Variants in NOL4 observed in about 807,000 individuals in gnomAD.
The protein encoded by NOL4 is nucleolar protein 4.
Under a neutral mutation model 75.9 loss-of-function variants are expected in NOL4, and 17 were observed. The ratio of observed to expected loss-of-function variants is 0.22; its 90% CI spans 0.15 to 0.34. The LOEUF is 0.34. Among genes scored for constraint, NOL4 ranks in the 10% least tolerant of loss-of-function variants. The pLI, the probability that NOL4 is intolerant of heterozygous loss-of-function variation, is 1.00. For missense variants in NOL4, 614 were observed against 793.5 expected, an observed-to-expected ratio of 0.77 and a Z score of 2.72; for synonymous variants, 292 against 289.9, an observed-to-expected ratio of 1.01 and a Z score of -0.07.
chr18:33,980,472 G>A (rs1600134971), intron 6 of NOL4, among the ~76,000 whole-genome samples: 2 of 151,970 alleles, frequency 1.3e-5, no homozygotes, highest in Admixed American at 6.6e-5. Flanking sequence ...TGTTCTTTCC[G>A]GTTATTAAGA....
intron 6 of NOL4, among the ~76,000 whole-genome samples, chr18:33,996,177 GA>G (rs1346241397): frequency 6.6e-6 from 1 of 151,534 alleles, no homozygotes; most frequent in Admixed American, 6.6e-5. Context: ...AGTTAGATAA[GA>G]AGGAGATAGG....
Position 34,166,430 on chromosome 18 carries a change from G to T in NOL4, c.265-36410C>A, listed in dbSNP as rs564586480. Among the ~76,000 whole-genome samples the T allele has an allele frequency of 1.8e-3, 281 of 152,232 alleles. 4 individuals carry two copies. The highest frequency in any genetic ancestry group is 1.3e-3 in the Non-Finnish European group (85 of 67,972). On this transcript the variant is annotated intron_variant, in intron 1 of 10. Coordinates refer to ENST00000261592, the MANE Select transcript of NOL4 (RefSeq NM_003787.5). The stretch of plus-strand genomic sequence containing the variant: ...AGACTTTGTCTAGAAGAGGGAAAAG[G>T]AGAACTGAAAGGTATTTGTTTTTTA...
chr18:33,937,696 G>C (rs2068156528), intron 9 of NOL4, among the ~76,000 whole-genome samples: 1 of 152,036 alleles, frequency 6.6e-6, no homozygotes, highest in South Asian at 2.1e-4. Flanking sequence ...TACATGCTTT[G>C]GTAGGAAGTA....
At chr18:34,160,825 A>G (rs2031353698) in intron 1 of NOL4, among the ~76,000 whole-genome samples, 1 of 152,202 alleles carries the variant, frequency 6.6e-6, no homozygotes. Flanking sequence ...TTCTGGGAAC[A>G]ATCAAGATCC....
chr18:34,048,688 TCAGGGAAA>T, intron 5 of NOL4: 4 of 796,580 alleles, frequency 5.0e-6, no homozygotes, highest in Non-Finnish European at 6.1e-6. Flanking sequence ...CTTCAAAGAC[TCAGGGAAA>T]CATGCACTCA....
At position 34,215,139 on chromosome 18, in the gene NOL4, A is replaced by T. The variant is rs376341288; in HGVS notation, c.264+7851T>A. ...TTAAGTCTACAATGTAAAATGATTAATATGGTAACTTTTATGTTGTGTGTT... is the reference window on the plus strand; with the variant it reads ...TTAAGTCTACAATGTAAAATGATTATTATGGTAACTTTTATGTTGTGTGTT... On this transcript the variant is annotated intron_variant, in intron 1 of 10. Transcript: ENST00000261592. Among the ~76,000 whole-genome samples the T allele has an allele frequency of 7.9e-5, 12 of 152,314 alleles. 1 individual carries two copies. Among genetic ancestry groups the T allele is most frequent in the African/African-American group, 2.9e-4 (12 of 41,558 alleles).
At chr18:34,049,153 GC>G (rs2076523431) in intron 5 of NOL4, among the ~76,000 whole-genome samples, 1 of 149,192 alleles carries the variant, frequency 6.7e-6, no homozygotes, top group South Asian at 2.1e-4. Context: ...AACGTCTGGA[GC>G]CTTGAGGTTT....
Position 33,852,766 on chromosome 18 carries a change from A to C in NOL4, c.*76T>G. On this transcript the variant is annotated 3_prime_UTR_variant, in exon 11 of 11. Transcript: ENST00000261592. ...AAGACTGTGCAGTAAGACCAGAAGT[A>C]TCTCTGTTGGGAAATCAAAATGTCA... 8.0e-7 allele frequency: 1 copy of C among 1,253,246 alleles called. No individual in the cohort carries two copies. Among genetic ancestry groups the C allele is most frequent in the Non-Finnish European group, 1.1e-6 (1 of 883,692 alleles). The allele number at this position is 1,253,246 out of a possible 1,614,324, so 77.6% of individuals were successfully genotyped here. A position where few individuals can be genotyped will look rare whatever the true frequency, so the allele number is the denominator to read the frequency against.
rs369857853 is a variant in NOL4 at position 34,042,578 on chromosome 18, A to G, written c.773-22977T>C. Among the ~76,000 whole-genome samples the G allele has an allele frequency of 3.3e-5, 5 of 152,230 alleles. No homozygotes were observed. The South Asian group carries it at 6.2e-4, about 19-fold the overall frequency. On this transcript the variant is annotated intron_variant, in intron 5 of 10. Transcript: ENST00000261592. ...ACCAATCAAAGAAGGAAGAAAGGCA[A>G]GAAAAAGAAATGTGACCAGTAATTG...
chr18:34,138,321 G>A (rs932340389), intron 1 of NOL4, among the ~76,000 whole-genome samples: 9 of 152,142 alleles, frequency 5.9e-5, no homozygotes, highest in Non-Finnish European at 1.0e-4. Context: ...AGGATCACTT[G>A]AGCCCATAAG....
At chr18:34,068,631 C>T (rs1463920634) in intron 5 of NOL4, among the ~76,000 whole-genome samples, 4 of 152,056 alleles carry the variant, frequency 2.6e-5, no homozygotes, top group Admixed American at 6.6e-5. Flanking sequence ...ATCTGCTGAC[C>T]TCATGTCCAC....
rs114433862 is a variant in NOL4, at chr18:34,170,862, G to A, written c.265-40842C>T. The stretch of plus-strand genomic sequence containing the variant: ...GCTTATTACAATTTCCCCTATAATA[G>A]ACCAAGATGTTGAGCAGCCTAAATG... On this transcript the variant is annotated intron_variant, in intron 1 of 10. Transcript: ENST00000261592. 5.6e-3 allele frequency among the ~76,000 whole-genome samples: 853 copies of A among 152,172 alleles called. 3 individuals carry two copies. Among genetic ancestry groups the A allele is most frequent in the African/African-American group, 0.02 (816 of 41,532 alleles).
chr18:34,002,005 C>A (rs544954484), intron 6 of NOL4, among the ~76,000 whole-genome samples: 1 of 152,092 alleles, frequency 6.6e-6, no homozygotes, highest in Non-Finnish European at 1.5e-5. Flanking sequence ...CAGAAACCTA[C>A]CTTAGTGACT....
At chr18:34,083,748 CA>C (rs1209694659) in intron 5 of NOL4, among the ~76,000 whole-genome samples, 1 of 152,040 alleles carries the variant, frequency 6.6e-6, no homozygotes, top group African/African-American at 2.4e-5. Flanking sequence ...TTTAACATAC[CA>C]AAGCTACTAA....
At chr18:34,146,160 A>G (rs2081383588) in intron 1 of NOL4, among the ~76,000 whole-genome samples, 2 of 152,016 alleles carry the variant, frequency 1.3e-5, no homozygotes, top group Admixed American at 1.3e-4. Context: ...CTTAAAATGC[A>G]AGTAATTTTC....
chr18:33,956,424 T>C (rs2069652175), intron 8 of NOL4, among the ~76,000 whole-genome samples: 1 of 152,144 alleles, frequency 6.6e-6, no homozygotes, highest in African/African-American at 2.4e-5. Flanking sequence ...AAACCTCTCT[T>C]ATGTACACCA....
At chr18:34,053,958 T>C (rs1034407724) in intron 5 of NOL4, among the ~76,000 whole-genome samples, 8 of 151,956 alleles carry the variant, frequency 5.3e-5, no homozygotes, top group African/African-American at 1.9e-4. Flanking sequence ...TATGGTTTCA[T>C]TTTTTTATTT....
At chr18:33,986,012 T>C (rs748782168) in intron 6 of NOL4, among the ~76,000 whole-genome samples, 2 of 152,114 alleles carry the variant, frequency 1.3e-5, no homozygotes, top group Non-Finnish European at 2.9e-5. Flanking sequence ...CTTGGCTTTA[T>C]AGAATATGCC....
chr18:33,852,036 A>T lies in NOL4; in HGVS notation c.*806T>A, dbSNP rs1015562572. On this transcript the variant is annotated 3_prime_UTR_variant, in exon 11 of 11. Coordinates refer to ENST00000261592, the MANE Select transcript of NOL4 (RefSeq NM_003787.5). ...TTCAACAACATGTCTTGTCATTATT[A>T]AAAAAAAAATTCTGGGATGAAAACT... The T allele has an allele frequency of 6.0e-5, 9 of 150,584 alleles. No homozygotes were observed. The highest frequency in any genetic ancestry group is 2.2e-4 in the African/African-American group (9 of 40,948). 9.3% of individuals were successfully genotyped at this position (150,584 alleles called of 1,614,324 possible). A position where few individuals can be genotyped will look rare whatever the true frequency, so the allele number is the denominator to read the frequency against.
Sources: allele counts gnomAD v4.1 joint callset (sites outside exome capture counted in the v4.1 genomes callset), GRCh38; gene constraint gnomAD v4.1.1; transcripts MANE v1.5; gene names NCBI Gene and HGNC (gene_info 2026-07-23, HGNC 2026-07-21).